TLL1: variants seen among roughly 807,000 people sequenced by gnomAD.
The protein encoded by TLL1 is tolloid-like protein 1.
Under a neutral mutation model 128.2 loss-of-function variants are expected in TLL1, and 49 were observed. The observed-to-expected ratio is 0.38, with a 90% CI of 0.30 to 0.48. The LOEUF is 0.48. Among genes scored for constraint, TLL1 ranks in the 20% least tolerant of loss-of-function variants. The probability of loss-of-function intolerance (pLI) is 0.96; values close to 1 mark genes in which losing one functional copy is unlikely to be tolerated. For missense variants in TLL1, 1,123 were observed against 1,242.0 expected (o/e 0.90, Z 1.44); for synonymous variants, 454 against 418.8 (o/e 1.08, Z -1.03).
At position 165,953,565 on chromosome 4, in the gene TLL1, A is replaced by AG. The variant is rs1491204477; in HGVS notation, c.170-35815dup. ...CTGCAGTGGTATTTCTTTTTCATTT[A>AG]GAAAAAAAAAAAAAAAAGAAAGAAG... On this transcript the variant is annotated intron_variant, in intron 1 of 20. Transcript: ENST00000061240. Among the ~76,000 whole-genome samples the AG allele has an allele frequency of 5.9e-5, 3 of 51,170 alleles. No homozygotes were observed. In the East Asian group the frequency reaches 9.3e-4, roughly 16 times the overall value. The allele number at this position is 51,170 out of a possible 152,430, so 33.6% of individuals were successfully genotyped here. A position where few individuals can be genotyped will look rare whatever the true frequency, so the allele number is the denominator to read the frequency against.
chr4:165,905,307 T>C (rs2110860752), intron 1 of TLL1, among the ~76,000 whole-genome samples: 1 of 152,310 alleles, frequency 6.6e-6, no homozygotes, highest in South Asian at 2.1e-4. Context: ...AAAATGTCCA[T>C]CCTTAGGTGA....
intron 15 of TLL1, among the ~76,000 whole-genome samples, chr4:166,062,312 A>T (rs1740354686): frequency 6.6e-6 from 1 of 152,204 alleles, no homozygotes; most frequent in African/African-American, 2.4e-5. Context: ...CTTGGGCAGT[A>T]TAGCCATTTT....
At chr4:166,082,639 T>C (rs528322594) in intron 18 of TLL1, among the ~76,000 whole-genome samples, 1 of 152,230 alleles carries the variant, frequency 6.6e-6, no homozygotes, top group African/African-American at 2.4e-5. Flanking sequence ...GCATTTTGCC[T>C]GATTTCTTTA....
chr4:165,891,979 G>T (rs1579448016), intron 1 of TLL1, among the ~76,000 whole-genome samples: 3 of 152,314 alleles, frequency 2.0e-5, no homozygotes, highest in African/African-American at 7.2e-5. Context: ...AAAGGAAAGA[G>T]GTTTAATTGA....
At chr4:165,901,915 G>A (rs1174227140) in intron 1 of TLL1, among the ~76,000 whole-genome samples, 2 of 152,200 alleles carry the variant, frequency 1.3e-5, no homozygotes, top group African/African-American at 2.4e-5. Context: ...GAGTGGGGCT[G>A]CTGGCTTTCT....
intron 12 of TLL1, among the ~76,000 whole-genome samples, chr4:166,052,965 G>GTGTGTGTGTA: frequency 0.011 from 1,061 of 99,712 alleles, 105 homozygotes; most frequent in African/African-American, 0.039. Context: ...GAGGTTATGT[G>GTGTGTGTGTA]TATATATATA....
chr4:165,973,296 T>C (rs1488585863), intron 1 of TLL1, among the ~76,000 whole-genome samples: 3 of 152,022 alleles, frequency 2.0e-5, no homozygotes, highest in African/African-American at 7.2e-5. Context: ...ACGTTGTCTT[T>C]CAGTCTTCTT....
intron 6 of TLL1, among the ~76,000 whole-genome samples, chr4:166,007,376 A>G (rs1320091194): frequency 6.6e-6 from 1 of 151,756 alleles, no homozygotes; most frequent in East Asian, 1.9e-4. Context: ...TTTCATCAAG[A>G]ATAAACTTGT....
chr4:165,993,983 A>C (rs942257885), intron 3 of TLL1, among the ~76,000 whole-genome samples: 9 of 152,200 alleles, frequency 5.9e-5, no homozygotes, highest in African/African-American at 1.9e-4. Context: ...AACTAGCAGG[A>C]GTAACAAGAA....
intron 1 of TLL1, among the ~76,000 whole-genome samples, chr4:165,922,552 A>G (rs528920483): frequency 6.6e-6 from 1 of 152,248 alleles, no homozygotes; most frequent in South Asian, 2.1e-4. Flanking sequence ...AAATTTTAGA[A>G]TGATTTATTC....
chr4:165,949,875 T>G (rs1299113734), intron 1 of TLL1, among the ~76,000 whole-genome samples: 1 of 151,772 alleles, frequency 6.6e-6, no homozygotes, highest in African/African-American at 2.4e-5. Context: ...CAACAAAACG[T>G]AAACGACAAG....
intron 1 of TLL1, among the ~76,000 whole-genome samples, chr4:165,963,703 C>G (rs868153335): frequency 6.6e-6 from 1 of 152,070 alleles, no homozygotes; most frequent in African/African-American, 2.4e-5. Context: ...ATAAGGAGTA[C>G]AAGTGATGCT....
chr4:166,102,934 G>A lies in TLL1; in HGVS notation c.*2058G>A, dbSNP rs183417155. ...CAAAATATGCCAGAAATGGGAAAGAGAGGAGAAAAAGTCATTAACATTAAC... is the reference window on the plus strand; with the variant it reads ...CAAAATATGCCAGAAATGGGAAAGAAAGGAGAAAAAGTCATTAACATTAAC... On this transcript the variant is annotated 3_prime_UTR_variant, in exon 21 of 21. Coordinates refer to ENST00000061240, the MANE Select transcript of TLL1 (RefSeq NM_012464.5). 1 of 151,884 alleles carries A rather than the reference G, an allele frequency of 6.6e-6. No individual in the cohort carries two copies. Among genetic ancestry groups the A allele is most frequent in the Non-Finnish European group, 1.5e-5 (1 of 67,898 alleles). The allele number at this position is 151,884 out of a possible 1,614,324, so 9.4% of individuals were successfully genotyped here. A position where few individuals can be genotyped will look rare whatever the true frequency, so the allele number is the denominator to read the frequency against.
chr4:166,080,263 A>G (rs1365455303), intron 18 of TLL1, among the ~76,000 whole-genome samples: 2 of 152,274 alleles, frequency 1.3e-5, no homozygotes, highest in East Asian at 3.9e-4. Context: ...TTCTTATAAG[A>G]ATACCAGCCC....
At chr4:166,081,495 A>G (rs1451416000) in intron 18 of TLL1, among the ~76,000 whole-genome samples, 2 of 152,130 alleles carry the variant, frequency 1.3e-5, no homozygotes. Flanking sequence ...AAGGATCTGT[A>G]AGTGTGTGCA....
chr4:165,987,248 A>C (rs2111006246), intron 1 of TLL1, among the ~76,000 whole-genome samples: 1 of 152,240 alleles, frequency 6.6e-6, no homozygotes, highest in South Asian at 2.1e-4. Context: ...ACCTGATGGA[A>C]GTTTCATATA....
intron 6 of TLL1, 134 bp downstream of exon 6, chr4:166,003,703 T>TA: frequency 1.1e-6 from 1 of 905,926 alleles, no homozygotes; most frequent in Non-Finnish European, 1.8e-6. Context: ...TTTGCTTGAT[T>TA]AAAAATCACC....
intron 18 of TLL1, among the ~76,000 whole-genome samples, chr4:166,078,479 G>A (rs892021647): frequency 1.3e-5 from 2 of 152,062 alleles, no homozygotes; most frequent in African/African-American, 4.8e-5. Context: ...TTTGTCTTGT[G>A]GTTTACAGAA....
intron 9 of TLL1, among the ~76,000 whole-genome samples, chr4:166,036,222 C>A (rs1738991868): frequency 6.6e-6 from 1 of 152,126 alleles, no homozygotes; most frequent in African/African-American, 2.4e-5. Flanking sequence ...CCTTGAACTG[C>A]TGATCTGCCT....
Sources: gnomAD v4.1 joint callset for allele counts (sites outside exome capture counted in the v4.1 genomes callset) on GRCh38, gnomAD v4.1.1 for gene constraint, MANE v1.5 for transcripts, NCBI Gene and HGNC (gene_info 2026-07-23, HGNC 2026-07-21) for gene names.